FSTL4: variants seen among roughly 807,000 people sequenced by gnomAD.
FSTL4 encodes the protein follistatin like 4, also known as follistatin-related protein 4.
FSTL4 carries 28 observed loss-of-function variants against 78.2 expected under a neutral mutation model. The ratio of observed to expected loss-of-function variants is 0.36; its 90% CI spans 0.27 to 0.49. The LOEUF is 0.49. Among genes scored for constraint, FSTL4 ranks in the 20% least tolerant of loss-of-function variants. FSTL4 has a pLI of 0.98. For synonymous variants in FSTL4, 422 were observed against 440.5 expected, an observed-to-expected ratio of 0.96 and a Z score of 0.53; for missense variants, 922 against 1,084.9, an observed-to-expected ratio of 0.85 and a Z score of 2.11.
chr5:133,683,855 G>T, the FSTL4 span, among the ~76,000 whole-genome samples: 18 of 152,172 alleles, frequency 1.2e-4, no homozygotes, highest in Admixed American at 1.1e-3. Context: ...GGATGGTGCC[G>T]CAGGAGCCCT....
the FSTL4 span, among the ~76,000 whole-genome samples, chr5:133,836,541 T>C: frequency 6.6e-6 from 1 of 152,192 alleles, no homozygotes; most frequent in Non-Finnish European, 1.5e-5. Flanking sequence ...TGCACACATG[T>C]ATGTGTGTGG....
intron 6 of FSTL4, among the ~76,000 whole-genome samples, chr5:133,258,401 G>A (rs1466686068): frequency 6.6e-6 from 1 of 152,172 alleles, no homozygotes; most frequent in Non-Finnish European, 1.5e-5. Flanking sequence ...CATCCAATTC[G>A]TTGAAGACCT....
chr5:133,582,572 T>C (rs1399278543), intron 2 of FSTL4, among the ~76,000 whole-genome samples: 1 of 152,126 alleles, frequency 6.6e-6, no homozygotes, highest in Non-Finnish European at 1.5e-5. Flanking sequence ...AGTTCTACTG[T>C]GGTCAGTAGG....
At chr5:133,502,464 G>A (rs992767351) in intron 3 of FSTL4, among the ~76,000 whole-genome samples, 2 of 152,192 alleles carry the variant, frequency 1.3e-5, no homozygotes, top group South Asian at 4.1e-4. Context: ...GTTTGGATCT[G>A]TGTCCCCACG....
At position 133,553,048 on chromosome 5, in the gene FSTL4, G is replaced by A. The variant is rs116838520; in HGVS notation, c.160+14138C>T. Among the ~76,000 whole-genome samples the A allele has an allele frequency of 6.0e-3, 908 of 152,236 alleles. 11 individuals are homozygous for A. Among genetic ancestry groups the A allele is most frequent in the African/African-American group, 0.021 (861 of 41,520 alleles). On this transcript the variant is annotated intron_variant, in intron 3 of 15. Coordinates refer to ENST00000265342, the MANE Select transcript of FSTL4 (RefSeq NM_015082.2). Reference sequence around the variant, plus strand: ...CGGTTCCCTGTGCTCCAACTGCAGCGGCTACTTAGTCTCTTGCCATCAGGT... The same window carrying A: ...CGGTTCCCTGTGCTCCAACTGCAGCAGCTACTTAGTCTCTTGCCATCAGGT...
Position 133,199,184 on chromosome 5 carries a change from A to G in FSTL4, c.2440T>C (p.Phe814Leu), listed in dbSNP as rs372335244. ...YLLTPARESL[F>L]LINGRQNTLR... Reference sequence around the variant, plus strand: ...GTGTTTTGTCTCCCATTGATGAGGAACAGTGACTCTCGGGCTGGTGTGAGG... The same window carrying G: ...GTGTTTTGTCTCCCATTGATGAGGAGCAGTGACTCTCGGGCTGGTGTGAGG... The change falls in exon 16 of 16, where the codon TTC becomes CTC. Residue 814 changes from phenylalanine (F) to leucine (L), a missense_variant. Phe to Leu is a conservative substitution (Grantham distance 22). Transcript: ENST00000265342. The surrounding 1 kb of genome is among the most constrained non-coding windows in gnomAD (Gnocchi z 4.4). 23 of 1,611,278 alleles carry G rather than the reference A, an allele frequency of 1.4e-5. No homozygotes were observed. In the South Asian group the frequency reaches 1.5e-4, roughly 11 times the overall value.
the FSTL4 span, among the ~76,000 whole-genome samples, chr5:133,676,418 C>T: frequency 1.1e-4 from 17 of 152,250 alleles, 1 homozygote; most frequent in East Asian, 3.1e-3. Flanking sequence ...TTAAAGTGAT[C>T]CTGTTTCTAA....
chr5:133,458,013 C>T (rs984884460), intron 3 of FSTL4: 1 of 152,172 alleles, frequency 6.6e-6, no homozygotes, highest in African/African-American at 2.4e-5. Context: ...GCCTGGCCTC[C>T]GACAAGCATC....
the FSTL4 span, among the ~76,000 whole-genome samples, chr5:133,805,993 T>C: frequency 8.5e-5 from 13 of 152,332 alleles, no homozygotes; most frequent in South Asian, 2.1e-4. Flanking sequence ...TGCATCCCCA[T>C]GTATGGGATA....
At chr5:133,456,680 G>A (rs913488622) in intron 3 of FSTL4, among the ~76,000 whole-genome samples, 2 of 150,376 alleles carry the variant, frequency 1.3e-5, no homozygotes, top group Non-Finnish European at 2.9e-5. Flanking sequence ...ATACAAAGTT[G>A]TACTTAAAAA....
At chr5:133,239,403 G>A (rs1249354633) in intron 7 of FSTL4, among the ~76,000 whole-genome samples, 3 of 152,246 alleles carry the variant, frequency 2.0e-5, no homozygotes, top group African/African-American at 7.2e-5. Flanking sequence ...AGGATCCACT[G>A]GGTGAAGCCA....
chr5:133,611,862 G>C lies in FSTL4; in HGVS notation c.-11+463C>G, dbSNP rs1001603997. ...GAATGCCTGCCCGGCGCCCCAACCC[G>C]GAGCCAAGGGCACCGGGCCCGGGCC... On this transcript the variant is annotated intron_variant, in intron 1 of 15. Coordinates refer to ENST00000265342, the MANE Select transcript of FSTL4 (RefSeq NM_015082.2). This position sits in a 1 kb window ranked among gnomAD's most constrained non-coding sequence, Gnocchi z 4.9. Among the ~76,000 whole-genome samples, 1 of 152,120 alleles carries C rather than the reference G, an allele frequency of 6.6e-6. No individual in the cohort carries two copies. Among genetic ancestry groups the C allele is most frequent in the South Asian group, 2.1e-4 (1 of 4,834 alleles).
chr5:133,744,767 C>T, the FSTL4 span, among the ~76,000 whole-genome samples: 83 of 152,278 alleles, frequency 5.5e-4, 1 homozygote, highest in African/African-American at 1.7e-3. Context: ...ACTGAAGTGT[C>T]GGTGGGACGT....
chr5:133,832,188 A>G, the FSTL4 span, among the ~76,000 whole-genome samples: 1 of 152,186 alleles, frequency 6.6e-6, no homozygotes, highest in African/African-American at 2.4e-5. Context: ...ATTGTTTGGG[A>G]AACATTACTC....
the FSTL4 span, among the ~76,000 whole-genome samples, chr5:133,778,176 G>A: frequency 6.6e-6 from 1 of 152,310 alleles, no homozygotes; most frequent in African/African-American, 2.4e-5. Flanking sequence ...GATGTGCCCT[G>A]TGGATCAAAC....
intron 6 of FSTL4, among the ~76,000 whole-genome samples, chr5:133,256,849 T>C (rs1466858831): frequency 6.6e-6 from 1 of 152,226 alleles, no homozygotes; most frequent in Non-Finnish European, 1.5e-5. Flanking sequence ...TGCTTCATTT[T>C]GGGGATGGCA....
chr5:133,499,047 T>C (rs1758432172), intron 3 of FSTL4, among the ~76,000 whole-genome samples: 1 of 150,154 alleles, frequency 6.7e-6, no homozygotes, highest in Admixed American at 6.6e-5. Context: ...GGTAATTTTC[T>C]AAATATGTAA....
intron 2 of FSTL4, among the ~76,000 whole-genome samples, chr5:133,591,326 A>G (rs1171557386): frequency 1.3e-5 from 2 of 152,316 alleles, no homozygotes; most frequent in Admixed American, 1.3e-4. Flanking sequence ...ATTTAACAGC[A>G]CAAGGCAGGC....
chr5:133,665,018 C>T, the FSTL4 span, among the ~76,000 whole-genome samples: 6 of 152,168 alleles, frequency 3.9e-5, no homozygotes, highest in Non-Finnish European at 7.3e-5. Flanking sequence ...CTCCAACACG[C>T]ATTTGGTGGC....
Sources: gnomAD v4.1 joint callset for allele counts (sites outside exome capture counted in the v4.1 genomes callset) on GRCh38, gnomAD v4.1.1 for gene constraint, Gnocchi (gnomAD v3.1) non-coding constraint, MANE v1.5 for transcripts, NCBI Gene and HGNC (gene_info 2026-07-23, HGNC 2026-07-21) for gene names.